The following ZNF385D variants were observed in gnomAD, a reference collection of about 807,000 sequenced individuals.
ZNF385D encodes zinc finger protein 385D.
A neutral mutation model predicts 35.8 loss-of-function variants in ZNF385D; 15 were observed. The observed-to-expected ratio is 0.42, with a 90% CI of 0.28 to 0.64. The LOEUF is 0.64. ZNF385D is among the 30% of genes least tolerant of loss of function. The probability of loss-of-function intolerance (pLI) is 0.23; values close to 1 mark genes in which losing one functional copy is unlikely to be tolerated. For missense variants in ZNF385D, 474 were observed against 494.6 expected (o/e 0.96, Z 0.39); for synonymous variants, 212 against 186.8 (o/e 1.13, Z -1.10).
intron 5 of ZNF385D, among the ~76,000 whole-genome samples, chr3:21,427,836 C>T (rs1349218842): frequency 6.6e-6 from 1 of 152,140 alleles, no homozygotes; most frequent in African/African-American, 2.4e-5. Flanking sequence ...AAAGATAGGA[C>T]AATTAAATAT....
intron 3 of ZNF385D, among the ~76,000 whole-genome samples, chr3:22,044,335 T>C (rs951334029): frequency 2.0e-5 from 3 of 152,106 alleles, no homozygotes; most frequent in Admixed American, 6.6e-5. Flanking sequence ...TAATGTTTAG[T>C]ACATGTCCTA....
chr3:21,657,600 A>G (rs535476384), intron 2 of ZNF385D, among the ~76,000 whole-genome samples: 3 of 151,978 alleles, frequency 2.0e-5, no homozygotes, highest in Non-Finnish European at 4.4e-5. Flanking sequence ...CTGTCTTCAA[A>G]GGACAAGGAA....
At chr3:22,004,744 T>C (rs1471734290) in intron 3 of ZNF385D, among the ~76,000 whole-genome samples, 2 of 152,212 alleles carry the variant, frequency 1.3e-5, no homozygotes, top group South Asian at 2.1e-4. Context: ...GAAAGGCTTA[T>C]CAGAAACTCA....
chr3:22,268,131 T>A (rs1316379986), intron 2 of ZNF385D, among the ~76,000 whole-genome samples: 1 of 151,836 alleles, frequency 6.6e-6, no homozygotes. Context: ...TTTTGAGACA[T>A]GAAATGGCAA....
At chr3:21,955,848 C>G (rs1454685870) in intron 3 of ZNF385D, among the ~76,000 whole-genome samples, 14 of 151,988 alleles carry the variant, frequency 9.2e-5, no homozygotes. Flanking sequence ...TTTCATAATT[C>G]AAAGGAGGGA....
intron 3 of ZNF385D, among the ~76,000 whole-genome samples, chr3:21,995,372 C>T (rs780890054): frequency 1.3e-5 from 2 of 152,158 alleles, no homozygotes; most frequent in Non-Finnish European, 2.9e-5. Flanking sequence ...GTCCTCAGGA[C>T]CCCCGAGTGT....
chr3:21,878,005 G>C (rs1006740956), intron 3 of ZNF385D: 1 of 151,902 alleles, frequency 6.6e-6, no homozygotes, highest in Non-Finnish European at 1.5e-5. Flanking sequence ...CTATTTGTAA[G>C]TACCTTAAAT....
At chr3:21,758,974 G>GAAAAAAA (rs1384844642) in intron 3 of ZNF385D, among the ~76,000 whole-genome samples, 2 of 14,158 alleles carry the variant, frequency 1.4e-4, no homozygotes, top group Non-Finnish European at 1.1e-4. Context: ...ATCATCACTG[G>GAAAAAAA]CAAAAAAAAA....
intron 6 of ZNF385D, 45 bp from the exon 7 acceptor site, chr3:21,424,109 C>G (rs756275333): frequency 6.7e-7 from 1 of 1,494,948 alleles, no homozygotes; most frequent in Non-Finnish European, 9.0e-7. Context: ...AAATCATCTG[C>G]AAAAACCTCT....
intron 4 of ZNF385D, among the ~76,000 whole-genome samples, chr3:21,496,304 A>G (rs1368503527): frequency 6.8e-6 from 1 of 146,476 alleles, no homozygotes; most frequent in Non-Finnish European, 1.5e-5. Context: ...TGTATTATAT[A>G]TATTTATTTA....
chr3:22,260,326 A>G (rs934312361), intron 2 of ZNF385D, among the ~76,000 whole-genome samples: 1 of 151,956 alleles, frequency 6.6e-6, no homozygotes, highest in African/African-American at 2.4e-5. Context: ...GGAGGGAAAC[A>G]TCACACACCA....
At chr3:21,708,180 A>G (rs2067976279) in intron 1 of ZNF385D, among the ~76,000 whole-genome samples, 2 of 152,212 alleles carry the variant, frequency 1.3e-5, no homozygotes. Context: ...TAAGGAAAAA[A>G]GTAAAAGGAA....
intron 3 of ZNF385D, among the ~76,000 whole-genome samples, chr3:21,947,593 G>A (rs1177626944): frequency 3.3e-5 from 5 of 152,156 alleles, no homozygotes; most frequent in South Asian, 2.1e-4. Context: ...CTCACGAACC[G>A]CCCACATTGG....
At chr3:21,904,558 G>T (rs1306489684) in intron 3 of ZNF385D, among the ~76,000 whole-genome samples, 1 of 151,988 alleles carries the variant, frequency 6.6e-6, no homozygotes, top group Non-Finnish European at 1.5e-5. Context: ...CATCTTTCTG[G>T]ATTCTTCTTT....
chr3:22,219,725 C>G (rs911214480), intron 2 of ZNF385D, among the ~76,000 whole-genome samples: 30 of 152,236 alleles, frequency 2.0e-4, no homozygotes, highest in Admixed American at 1.6e-3. Context: ...ATTAATATTT[C>G]TAATTCAAAT....
At chr3:22,018,847 G>C (rs958208039) in intron 3 of ZNF385D, among the ~76,000 whole-genome samples, 14 of 151,838 alleles carry the variant, frequency 9.2e-5, no homozygotes, top group African/African-American at 3.4e-4. Context: ...GAAATGGGTG[G>C]AGTTTAATTG....
chr3:22,069,636 C>A (rs1480132267), intron 3 of ZNF385D, among the ~76,000 whole-genome samples: 1 of 152,136 alleles, frequency 6.6e-6, no homozygotes, highest in Non-Finnish European at 1.5e-5. Flanking sequence ...TAAATACATT[C>A]TCTCCACAAT....
intron 2 of ZNF385D, among the ~76,000 whole-genome samples, chr3:21,566,509 A>G (rs947571823): frequency 1.3e-5 from 2 of 152,096 alleles, no homozygotes; most frequent in Middle Eastern, 3.2e-3. Context: ...AGGTGCTTGT[A>G]ATCCCAGGTA....
At chr3:21,975,378 G>A (rs760035134) in intron 3 of ZNF385D, among the ~76,000 whole-genome samples, 22 of 152,124 alleles carry the variant, frequency 1.4e-4, no homozygotes, top group Non-Finnish European at 2.2e-4. Context: ...CATGGAGAGA[G>A]AGAGTAAAAT....
Sources: gnomAD v4.1 joint callset for allele counts (sites outside exome capture counted in the v4.1 genomes callset) on GRCh38, gnomAD v4.1.1 for gene constraint, MANE v1.5 for transcripts, NCBI Gene and HGNC (gene_info 2026-07-23, HGNC 2026-07-21) for gene names.